Variants in SHANK1 observed in about 807,000 individuals in gnomAD.
The protein encoded by SHANK1 is SH3 and multiple ankyrin repeat domains protein 1.
In SHANK1, 35 loss-of-function variants were observed where a neutral mutation model predicts 165.6. That is an observed-to-expected ratio of 0.21 (90% CI 0.16 to 0.28). The LOEUF (loss-of-function observed/expected upper bound fraction) is 0.28. SHANK1 is among the 10% of genes least tolerant of loss of function. The pLI, the probability that SHANK1 is intolerant of heterozygous loss-of-function variation, is 1.00. For synonymous variants in SHANK1, 1,428 were observed against 1,384.8 expected, an observed-to-expected ratio of 1.03 and a Z score of -0.69; for missense variants, 2,681 against 3,036.4, an observed-to-expected ratio of 0.88 and a Z score of 2.75.
At chr19:50,687,329 G>A (rs1166698691) in intron 19 of SHANK1, among the ~76,000 whole-genome samples, 1 of 152,030 alleles carries the variant, frequency 6.6e-6, no homozygotes, top group Non-Finnish European at 1.5e-5. Context: ...AGAGAGACCC[G>A]CAGAGAGGGT....
intron 22 of SHANK1, among the ~76,000 whole-genome samples, chr19:50,671,666 G>GGGAGCGCTT (rs1408994156): frequency 6.6e-6 from 1 of 152,012 alleles, no homozygotes; most frequent in East Asian, 1.9e-4. Flanking sequence ...CTGGCATGTG[G>GGGAGCGCTT]GGAGCGCTTG....
At chr19:50,693,869 A>T (rs943221311) in intron 15 of SHANK1, among the ~76,000 whole-genome samples, 21 of 152,098 alleles carry the variant, frequency 1.4e-4, no homozygotes, top group African/African-American at 4.8e-4. Context: ...CCCCGGGGGC[A>T]AGGGGGCAGG....
Position 50,671,247 on chromosome 19 carries a change from G to A in SHANK1, c.2674+771C>T, listed in dbSNP as rs374456747. On this transcript the variant is annotated intron_variant, in intron 22 of 23. Transcript: ENST00000293441. ...CGCCCAGGCTGGAGTGCAGTGGCAC[G>A]TTCTCGGCTCACTGCAAGCTCTGCC... Among the ~76,000 whole-genome samples, 35 of 128,990 alleles carry A rather than the reference G, an allele frequency of 2.7e-4. No homozygotes were observed. The East Asian group carries it at 4.2e-3, about 16-fold the overall frequency. 84.6% of individuals were successfully genotyped at this position (128,990 alleles called of 152,430 possible).
At chr19:50,707,886 C>CT in intron 8 of SHANK1, among the ~76,000 whole-genome samples, 1 of 17,640 alleles carries the variant, frequency 5.7e-5, no homozygotes. Context: ...TTTTTCTTTT[C>CT]TTTTCTTTTC....
At chr19:50,701,981 T>A (rs1236749898) in intron 12 of SHANK1, among the ~76,000 whole-genome samples, 1 of 152,098 alleles carries the variant, frequency 6.6e-6, no homozygotes, top group Non-Finnish European at 1.5e-5. Flanking sequence ...TAGAAGTAGG[T>A]CCCTGCCTGT....
At chr19:50,694,972 G>A (rs995828931) in intron 15 of SHANK1, among the ~76,000 whole-genome samples, 7 of 149,802 alleles carry the variant, frequency 4.7e-5, no homozygotes, top group Admixed American at 6.6e-5. Context: ...CGCGGGGGGC[G>A]GCTGCGGCAG....
At chr19:50,695,220 A>G in intron 15 of SHANK1, among the ~76,000 whole-genome samples, 1 of 115,530 alleles carries the variant, frequency 8.7e-6, no homozygotes, top group South Asian at 3.2e-4. Context: ...CTCCCGCGGG[A>G]GGGAGGGCAG....
intron 21 of SHANK1, among the ~76,000 whole-genome samples, chr19:50,679,130 G>C (rs1290094423): frequency 7.1e-6 from 1 of 140,456 alleles, no homozygotes; most frequent in African/African-American, 2.7e-5. Context: ...AGGGTGATGG[G>C]GAGGGGTCAG....
chr19:50,703,635 T>G lies in SHANK1; in HGVS notation c.1418A>C (p.Gln473Pro). The part of the protein sequence containing the change: ...GPTSGSQGQS[Q>P]PSAPTTKLSS... ...GAGCTTGGTGGTGGGGGCCGAGGGCTGCGACTGGCCCTGGGACCCTGAGGT... is the reference window on the plus strand; with the variant it reads ...GAGCTTGGTGGTGGGGGCCGAGGGCGGCGACTGGCCCTGGGACCCTGAGGT... The change falls in exon 11 of 24, where the codon CAG (glutamine) becomes CCG (proline). Residue 473 changes from glutamine to proline, a missense_variant. Around this residue, in one of 10 missense-constraint regions of SHANK1, gnomAD observed 195 missense variants for 186.2 expected, o/e 1.05. Coordinates refer to ENST00000293441, the MANE Select transcript of SHANK1 (RefSeq NM_016148.5). The G allele has an allele frequency of 6.5e-7, 1 of 1,543,740 alleles. No homozygotes were observed. Among genetic ancestry groups the G allele is most frequent in the African/African-American group, 1.4e-5 (1 of 73,758 alleles).
intron 21 of SHANK1, among the ~76,000 whole-genome samples, chr19:50,674,269 A>G (rs983694399): frequency 3.9e-5 from 6 of 152,020 alleles, no homozygotes; most frequent in African/African-American, 1.5e-4. Context: ...AACAGGGAGA[A>G]TCAGCCAAGG....
At position 50,697,169 on chromosome 19, in the gene SHANK1, T is replaced by G. The variant is rs1274095676; in HGVS notation, c.1938-47A>C. On this transcript the variant is annotated intron_variant, in intron 14 of 23. Coordinates refer to ENST00000293441, the MANE Select transcript of SHANK1 (RefSeq NM_016148.5). This position sits in a 1 kb window ranked among gnomAD's most constrained non-coding sequence, Gnocchi z 4.7. ...CAGCCAGGGAGGGGAAAGGTGTCAG[T>G]GCACCCATCTCCTCACCCCAATCCC... 3 of 1,613,792 alleles carry G rather than the reference T, an allele frequency of 1.9e-6. No homozygotes were observed. The South Asian group carries it at 3.3e-5, about 18-fold the overall frequency.
intron 21 of SHANK1, among the ~76,000 whole-genome samples, chr19:50,683,748 T>C (rs778477468): frequency 4.6e-5 from 7 of 152,188 alleles, no homozygotes; most frequent in Admixed American, 6.5e-5. Flanking sequence ...ATAGGGCTAC[T>C]CAAGATTTTC....
Position 50,686,642 on chromosome 19 carries a change from C to A in SHANK1, c.2458+102G>T. The A allele has an allele frequency of 8.9e-7, 1 of 1,125,752 alleles. No individual in the cohort carries two copies. Among genetic ancestry groups the A allele is most frequent in the Non-Finnish European group, 1.3e-6 (1 of 770,362 alleles). 69.7% of individuals were successfully genotyped at this position (1,125,752 alleles called of 1,614,324 possible). On this transcript the variant is annotated intron_variant, in intron 20 of 23. Coordinates refer to ENST00000293441, the MANE Select transcript of SHANK1 (RefSeq NM_016148.5). This position sits in a 1 kb window ranked among gnomAD's most constrained non-coding sequence, Gnocchi z 5.7. ...AGGTGGGATCGCAGCCTCTCTGGGGCAGGAAGGTGAGGGGCGCCGTGGGGT... is the reference window on the plus strand; with the variant it reads ...AGGTGGGATCGCAGCCTCTCTGGGGAAGGAAGGTGAGGGGCGCCGTGGGGT...
chr19:50,666,698 G>A lies in SHANK1; in HGVS notation c.5262C>T (p.Pro1754=), dbSNP rs1028092796. The change falls in exon 23 of 24, where the codon CCC becomes CCT. Residue 1754 remains proline (P), a synonymous_variant. Coordinates refer to ENST00000293441, the MANE Select transcript of SHANK1 (RefSeq NM_016148.5). Reference sequence around the variant, plus strand: ...CTAGCGCCCGGCCCCGGAGCTTAGAGGGAGTCATGAGCTGAGGAGGGTATG... The same window carrying A: ...CTAGCGCCCGGCCCCGGAGCTTAGAAGGAGTCATGAGCTGAGGAGGGTATG... ...GPPYPPQLMT[P]SKLRGRALGA... The A allele has an allele frequency of 7.6e-6, 12 of 1,584,500 alleles. No individual in the cohort carries two copies. In the African/African-American group the frequency reaches 1.3e-4, roughly 18 times the overall value.
At position 50,667,531 on chromosome 19, in the gene SHANK1, A is replaced by G; in HGVS notation, c.4429T>C (p.Trp1477Arg). Residue 1477 changes from tryptophan to arginine, a missense_variant, in exon 23 of 24, where the codon TGG becomes CGG. Trp to Arg is a moderately radical substitution (Grantham distance 101). Around this residue, in one of 10 missense-constraint regions of SHANK1, gnomAD observed 1,713 missense variants for 1,630.2 expected, o/e 1.05. Transcript: ENST00000293441. The surrounding 1 kb of genome is among the most constrained non-coding windows in gnomAD (Gnocchi z 5.7). ...GGTTCTTCGGGGGCTGCGGACCTCC[A>G]GGGCTTGCTTACTCCGGGGTGCGGG... is the stretch of plus-strand genomic sequence containing the variant. ...PAPHPGVSKP[W>R]RSAAPEEPER... The G allele has an allele frequency of 6.7e-7, 1 of 1,500,262 alleles. No individual in the cohort carries two copies. The highest frequency in any genetic ancestry group is 8.8e-7 in the Non-Finnish European group (1 of 1,139,902). The allele number at this position is 1,500,262 out of a possible 1,614,324, so 92.9% of individuals were successfully genotyped here. A position where few individuals can be genotyped will look rare whatever the true frequency, so the allele number is the denominator to read the frequency against.
At chr19:50,675,304 T>C (rs1370291257) in intron 21 of SHANK1, among the ~76,000 whole-genome samples, 2 of 152,234 alleles carry the variant, frequency 1.3e-5, no homozygotes, top group Admixed American at 1.3e-4. Flanking sequence ...TAAAATTCAA[T>C]TTCTCTGTTG....
chr19:50,669,390 C>T (rs1158126051), intron 22 of SHANK1, 105 bp from the exon 23 acceptor site: 5 of 752,812 alleles, frequency 6.6e-6, no homozygotes, highest in African/African-American at 5.3e-5. Context: ...AATGGCACCC[C>T]GTATATGCCA....
rs1985242110 is a variant in SHANK1, at chr19:50,661,892, T to C, written c.*73A>G. The stretch of plus-strand genomic sequence containing the variant: ...CCCTGGCCCGGGGAGAGAATGACAG[T>C]CAGGGGTCAGAGGTCAAGAGGCCAG... On this transcript the variant is annotated 3_prime_UTR_variant, in exon 24 of 24. Transcript: ENST00000293441. 1 of 1,517,592 alleles carries C rather than the reference T, an allele frequency of 6.6e-7. No individual in the cohort carries two copies. The highest frequency in any genetic ancestry group is 1.4e-5 in the African/African-American group (1 of 72,882). The allele number at this position is 1,517,592 out of a possible 1,614,324, so 94.0% of individuals were successfully genotyped here. A position where few individuals can be genotyped will look rare whatever the true frequency, so the allele number is the denominator to read the frequency against.
At chr19:50,704,385 T>A in intron 9 of SHANK1, 52 bp downstream of exon 9, 2 of 1,514,494 alleles carry the variant, frequency 1.3e-6, no homozygotes, top group South Asian at 2.2e-5. Context: ...GGTGTCACTG[T>A]CACCCTTTCC....
Sources: allele counts gnomAD v4.1 joint callset (sites outside exome capture counted in the v4.1 genomes callset), GRCh38; gene constraint gnomAD v4.1.1; regional missense constraint gnomAD v4.1.1; non-coding constraint Gnocchi (gnomAD v3.1); transcripts MANE v1.5; gene names NCBI Gene and HGNC (gene_info 2026-07-23, HGNC 2026-07-21).